The following RBFOX1 variants were observed in gnomAD, a reference collection of about 807,000 sequenced individuals.
RBFOX1 encodes RNA binding fox-1 homolog 1, also known as RNA binding protein fox-1 homolog 1.
RBFOX1 carries 8 observed loss-of-function variants against 57.7 expected under a neutral mutation model. That is an observed-to-expected ratio of 0.14 (90% CI 0.08 to 0.25). The LOEUF is 0.25. Among genes scored for constraint, RBFOX1 ranks in the 10% least tolerant of loss-of-function variants. The pLI, the probability that RBFOX1 is intolerant of heterozygous loss-of-function variation, is 1.00. For missense variants in RBFOX1, 611 were observed against 548.5 expected, an observed-to-expected ratio of 1.11 and a Z score of -1.14; for synonymous variants, 326 against 222.4, an observed-to-expected ratio of 1.47 and a Z score of -4.15.
intron 1 of RBFOX1, among the ~76,000 whole-genome samples, chr16:5,413,414 C>T (rs1038946689): frequency 1.3e-5 from 2 of 152,144 alleles, no homozygotes; most frequent in Admixed American, 6.5e-5. Context: ...AATACATATC[C>T]GTGGTATCCA....
chr16:7,031,759 G>A (rs75571666), intron 3 of RBFOX1, among the ~76,000 whole-genome samples: 14,042 of 152,126 alleles, frequency 0.092, 1,062 homozygotes, highest in East Asian at 0.32. Context: ...ACAACATCCC[G>A]TGTTTTACCC....
At chr16:6,646,161 A>T (rs1436248804) in intron 2 of RBFOX1, among the ~76,000 whole-genome samples, 2 of 152,132 alleles carry the variant, frequency 1.3e-5, no homozygotes, top group Admixed American at 1.3e-4. Flanking sequence ...TACTTACTTG[A>T]CGAGTCTGGT....
At chr16:5,931,518 C>T (rs188567380) in intron 4 of RBFOX1, among the ~76,000 whole-genome samples, 1 of 152,090 alleles carries the variant, frequency 6.6e-6, no homozygotes, top group East Asian at 1.9e-4. Flanking sequence ...CCCACCGTAG[C>T]CCTGCATGCT....
At chr16:6,227,312 TA>T (rs2097425422) in intron 1 of RBFOX1, among the ~76,000 whole-genome samples, 1 of 152,154 alleles carries the variant, frequency 6.6e-6, no homozygotes. Context: ...TTGAATTTTT[TA>T]AAAGTTCTCA....
chr16:7,032,385 C>T (rs545045644), intron 3 of RBFOX1, among the ~76,000 whole-genome samples: 60 of 152,124 alleles, frequency 3.9e-4, no homozygotes, highest in African/African-American at 1.3e-3. Context: ...GTGGAGGTTG[C>T]AGTGAGCTGA....
intron 1 of RBFOX1, among the ~76,000 whole-genome samples, chr16:6,263,083 GAA>G (rs893377552): frequency 6.6e-6 from 1 of 152,184 alleles, no homozygotes; most frequent in Admixed American, 6.5e-5. Context: ...CTGAAATGGG[GAA>G]AAGTTTGGTG....
intron 3 of RBFOX1, among the ~76,000 whole-genome samples, chr16:6,796,627 T>C (rs983868930): frequency 5.3e-5 from 8 of 151,922 alleles, no homozygotes; most frequent in African/African-American, 1.9e-4. Flanking sequence ...GAACTTTCTC[T>C]CTGTCTCTTG....
At chr16:6,855,588 G>C (rs1180159129) in intron 3 of RBFOX1, among the ~76,000 whole-genome samples, 2 of 149,584 alleles carry the variant, frequency 1.3e-5, no homozygotes, top group African/African-American at 2.5e-5. Flanking sequence ...GAGAGGTGGA[G>C]CTTGCAGTGA....
rs983896134 is a variant in RBFOX1, at chr16:6,774,080, A to G, written c.-16+119430A>G. The G allele has an allele frequency of 1.6e-5, 14 of 862,436 alleles. No homozygotes were observed. The African/African-American group carries it at 2.2e-4, about 14-fold the overall frequency. 53.4% of individuals were successfully genotyped at this position (862,436 alleles called of 1,614,324 possible). On this transcript the variant is annotated intron_variant, in intron 3 of 15. Coordinates refer to ENST00000550418, the MANE Select transcript of RBFOX1 (RefSeq NM_018723.4). ...CTTTCTGATTTCCCATTAATTTCCT[A>G]GCTTTAAATTACCAAGAATTGGACT...
At chr16:6,754,308 C>G (rs1007810319) in intron 3 of RBFOX1, among the ~76,000 whole-genome samples, 4 of 152,124 alleles carry the variant, frequency 2.6e-5, no homozygotes, top group Non-Finnish European at 5.9e-5. Flanking sequence ...TATCCTCAAT[C>G]CAAATTGCAT....
chr16:7,124,790 A>G (rs1330026009), intron 4 of RBFOX1, among the ~76,000 whole-genome samples: 2 of 152,020 alleles, frequency 1.3e-5, no homozygotes, highest in South Asian at 4.2e-4. Flanking sequence ...TTCCAATGAA[A>G]ACAGACAGCC....
chr16:7,474,244 GCCATTGCA>G (rs1479524886), intron 4 of RBFOX1, among the ~76,000 whole-genome samples: 1 of 152,122 alleles, frequency 6.6e-6, no homozygotes, highest in African/African-American at 2.4e-5. Flanking sequence ...CCGAGATCGC[GCCATTGCA>G]CTCCAGCCTG....
chr16:6,534,210 A>G (rs981839140), intron 2 of RBFOX1, among the ~76,000 whole-genome samples: 1 of 152,200 alleles, frequency 6.6e-6, no homozygotes, highest in African/African-American at 2.4e-5. Context: ...ATGAAATGCT[A>G]TCCAGCAATA....
At chr16:7,209,661 TA>T (rs1274749498) in intron 4 of RBFOX1, among the ~76,000 whole-genome samples, 4 of 152,306 alleles carry the variant, frequency 2.6e-5, no homozygotes, top group East Asian at 3.9e-4. Flanking sequence ...AAGTCGCATT[TA>T]AAAAAATTTT....
intron 4 of RBFOX1, among the ~76,000 whole-genome samples, chr16:7,170,987 C>G (rs919820641): frequency 2.0e-5 from 3 of 152,196 alleles, no homozygotes; most frequent in African/African-American, 7.2e-5. Flanking sequence ...AACACACACT[C>G]TCCCGTCTTG....
At chr16:7,315,402 G>C (rs969045334) in intron 4 of RBFOX1, among the ~76,000 whole-genome samples, 2 of 150,136 alleles carry the variant, frequency 1.3e-5, no homozygotes, top group African/African-American at 4.9e-5. Flanking sequence ...ATTCTGAAGT[G>C]AATACATGAA....
At chr16:7,569,451 C>A (rs978146676) in intron 5 of RBFOX1, among the ~76,000 whole-genome samples, 4 of 152,120 alleles carry the variant, frequency 2.6e-5, no homozygotes, top group Non-Finnish European at 5.9e-5. Context: ...ACGGGGTGTT[C>A]ACTCTGACAT....
intron 4 of RBFOX1, among the ~76,000 whole-genome samples, chr16:7,135,179 G>C (rs780469829): frequency 3.3e-5 from 5 of 152,104 alleles, no homozygotes; most frequent in Admixed American, 6.6e-5. Context: ...ACATTGTTCT[G>C]TTTCCTCAGT....
chr16:5,907,744 TC>T (rs1169289301), intron 4 of RBFOX1, among the ~76,000 whole-genome samples: 26 of 149,622 alleles, frequency 1.7e-4, no homozygotes, highest in Non-Finnish European at 2.8e-4. Flanking sequence ...ATCATCATCA[TC>T]ATCATCATCA....
Sources: gnomAD v4.1 joint callset for allele counts (sites outside exome capture counted in the v4.1 genomes callset) on GRCh38, gnomAD v4.1.1 for gene constraint, MANE v1.5 for transcripts, NCBI Gene and HGNC (gene_info 2026-07-23, HGNC 2026-07-21) for gene names.